The following ANK2 variants were observed in gnomAD, a reference collection of about 807,000 sequenced individuals.
ANK2 encodes the protein ankyrin-2.
ANK2 carries 83 observed loss-of-function variants against 360.5 expected under a neutral mutation model. The observed-to-expected ratio is 0.23, with a 90% CI of 0.19 to 0.28. The LOEUF (loss-of-function observed/expected upper bound fraction) is 0.28. ANK2 is among the 10% of genes least tolerant of loss of function. The probability of loss-of-function intolerance (pLI) is 1.00; values close to 1 mark genes in which losing one functional copy is unlikely to be tolerated. For missense variants in ANK2, 4,201 were observed against 4,795.7 expected, an observed-to-expected ratio of 0.88 and a Z score of 3.66; for synonymous variants, 1,740 against 1,759.5, an observed-to-expected ratio of 0.99 and a Z score of 0.28.
rs745422554 is a variant in ANK2 at position 113,355,174 on chromosome 4, G to C, written c.6556G>C (p.Glu2186Gln). The C allele has an allele frequency of 6.2e-7, 1 of 1,614,122 alleles. No individual in the cohort carries two copies. The highest frequency in any genetic ancestry group is 1.1e-5 in the South Asian group (1 of 91,086). Residue 2186 changes from glutamate (E) to glutamine (Q), a missense_variant, in exon 38 of 46, where the codon GAG (glutamate) becomes CAG (glutamine). Transcript: ENST00000357077. ...TTFPLDYMKD[E>Q]FLPALSLQSG... ...ATTTCCACTCGACTACATGAAAGAT[G>C]AGTTCCTTCCAGCTCTGTCTTTACA...
intron 16 of ANK2, among the ~76,000 whole-genome samples, chr4:113,278,211 A>G (rs959192218): frequency 6.6e-6 from 1 of 152,202 alleles, no homozygotes; most frequent in African/African-American, 2.4e-5. Context: ...TATTTCTTAC[A>G]TAGCAGTTTA....
At chr4:112,802,655 A>G in the ANK2 span, among the ~76,000 whole-genome samples, 1 of 152,178 alleles carries the variant, frequency 6.6e-6, no homozygotes, top group African/African-American at 2.4e-5. Context: ...AATTAAAATT[A>G]TTAAGTAAAT....
At chr4:113,333,014 A>T (rs776496169) in intron 28 of ANK2, 40 bp from the exon 29 acceptor site, 2 of 1,613,802 alleles carry the variant, frequency 1.2e-6, no homozygotes, top group Non-Finnish European at 1.7e-6. Flanking sequence ...GCTGTTAGTT[A>T]GCTCCTGTCC....
chr4:113,275,044 G>A (rs192209305), intron 15 of ANK2, among the ~76,000 whole-genome samples: 32 of 152,308 alleles, frequency 2.1e-4, no homozygotes, highest in Admixed American at 1.8e-3. Flanking sequence ...TATATTTGCT[G>A]TGAGTTATAG....
At chr4:112,979,226 A>G (rs56992481) in intron 2 of ANK2, among the ~76,000 whole-genome samples, 2,036 of 152,240 alleles carry the variant, frequency 0.013, 24 homozygotes, top group Middle Eastern at 0.037. Context: ...GTGGGGTCCG[A>G]CCACTGCGCA....
At chr4:113,315,813 G>GGT (rs1554483328) in intron 24 of ANK2, among the ~76,000 whole-genome samples, 2 of 149,494 alleles carry the variant, frequency 1.3e-5, no homozygotes, top group Non-Finnish European at 1.5e-5. Flanking sequence ...GCAGGAGAAT[G>GGT]GTGAACCTGG....
chr4:113,369,238 A>G (rs142439955), intron 42 of ANK2, among the ~76,000 whole-genome samples: 1,867 of 152,288 alleles, frequency 0.012, 18 homozygotes, highest in Non-Finnish European at 0.018. Flanking sequence ...ACTTATATAC[A>G]TTGTAGAGGT....
At position 112,827,522 on chromosome 4, in the gene ANK2, T is replaced by C. The variant is rs1055005190; in HGVS notation, c.-40+9258T>C. On this transcript the variant is annotated intron_variant, in intron 1 of 30. Coordinates refer to the ANK2 transcript ENST00000503271. ...TTGCTTCATCTAAGAATCACAAGAA[T>C]CTGCCTCAGGGACTTGATATTTTGT... is the stretch of plus-strand genomic sequence containing the variant. The C allele has an allele frequency of 6.6e-6, 8 of 1,205,358 alleles. No homozygotes were observed. In the African/African-American group the frequency reaches 1.2e-4, roughly 18 times the overall value. The allele number at this position is 1,205,358 out of a possible 1,614,324, so 74.7% of individuals were successfully genotyped here.
At chr4:112,838,888 C>T (rs1223000032) in intron 1 of ANK2, among the ~76,000 whole-genome samples, 4 of 152,276 alleles carry the variant, frequency 2.6e-5, no homozygotes, top group South Asian at 2.1e-4. Context: ...ACAATACTAC[C>T]GTTTCTCCTG....
At chr4:113,096,560 A>C (rs908921143) in intron 1 of ANK2, among the ~76,000 whole-genome samples, 19 of 152,192 alleles carry the variant, frequency 1.2e-4, no homozygotes, top group Admixed American at 8.5e-4. Flanking sequence ...TTTATCTTTA[A>C]GGCCACTTCC....
intron 26 of ANK2, among the ~76,000 whole-genome samples, chr4:113,328,730 T>A (rs2091354941): frequency 1.3e-5 from 2 of 152,190 alleles, no homozygotes; most frequent in Non-Finnish European, 2.9e-5. Flanking sequence ...TGTGGTCTCA[T>A]CCTGCATGAC....
chr4:112,865,328 TA>T (rs1385507148), intron 1 of ANK2, among the ~76,000 whole-genome samples: 1 of 152,132 alleles, frequency 6.6e-6, no homozygotes, highest in Non-Finnish European at 1.5e-5. Context: ...AAAGCTCTGT[TA>T]TTATAATTAC....
chr4:113,097,878 A>ATATATG (rs1319473192), intron 1 of ANK2, among the ~76,000 whole-genome samples: 1 of 97,328 alleles, frequency 1.0e-5, no homozygotes, highest in Non-Finnish European at 2.0e-5. Context: ...ATATATATGC[A>ATATATG]CACACACACA....
chr4:112,709,979 G>T, the ANK2 span, among the ~76,000 whole-genome samples: 4 of 152,108 alleles, frequency 2.6e-5, no homozygotes, highest in Non-Finnish European at 4.4e-5. Context: ...CCAAACTAGT[G>T]TTCCTTCATT....
Position 113,330,280 on chromosome 4 carries a change from G to T in ANK2, c.2935G>T (p.Gly979Cys). 6.2e-7 allele frequency: 1 copy of T among 1,614,152 alleles called. No homozygotes were observed. The highest frequency in any genetic ancestry group is 8.5e-7 in the Non-Finnish European group (1 of 1,180,010). Residue 979 changes from glycine to cysteine, a missense_variant, in exon 27 of 46, where the codon GGT (glycine) becomes TGT (cysteine). Coordinates refer to ENST00000357077, the MANE Select transcript of ANK2 (RefSeq NM_001148.6). ...LVSFMVDARG[G>C]AMRGCRHNGL... ...TAGTTTTATGGTGGATGCCCGAGGT[G>T]GTGCTATGCGAGGATGCAGACACAA...
At chr4:113,144,425 AAAT>A (rs144750935) in intron 1 of ANK2, among the ~76,000 whole-genome samples, 2,509 of 152,230 alleles carry the variant, frequency 0.016, 77 homozygotes, top group African/African-American at 0.058. Flanking sequence ...TTTTTAAAAA[AAAT>A]AATGGCAAAT....
intron 1 of ANK2, among the ~76,000 whole-genome samples, chr4:112,845,427 T>C (rs2149857641): frequency 6.6e-6 from 1 of 152,280 alleles, no homozygotes; most frequent in East Asian, 1.9e-4. Context: ...AATAGATTTC[T>C]TCCTTAGGTT....
chr4:112,915,777 T>A (rs1475722290), intron 2 of ANK2, among the ~76,000 whole-genome samples: 14 of 150,360 alleles, frequency 9.3e-5, no homozygotes, highest in African/African-American at 2.7e-4. Context: ...AATAAATAAA[T>A]AAATAATAAA....
rs928622061 is a variant in ANK2, at chr4:113,330,325, C to A, written c.2980C>A (p.Pro994Thr). 1.2e-6 allele frequency: 2 copies of A among 1,614,062 alleles called. No individual in the cohort carries two copies. The highest frequency in any genetic ancestry group is 2.7e-5 in the African/African-American group (2 of 74,930). The change falls in exon 27 of 46, where the codon CCA (proline) becomes ACA (threonine). Residue 994 changes from proline to threonine, a missense_variant. Pro to Thr is a conservative substitution (Grantham distance 38). This residue lies in a region of ANK2 where 1,268 missense variants were observed against 1,650.8 expected (regional missense o/e 0.77). Transcript: ENST00000357077. ...CRHNGLRIII[P>T]PRKCTAPTRV... ...ACACAATGGGCTCCGAATCATTATT[C>A]CACCTCGGAAATGTACTGCTCCAAC...
Sources: gnomAD v4.1 joint callset for allele counts (sites outside exome capture counted in the v4.1 genomes callset) on GRCh38, gnomAD v4.1.1 for gene constraint, gnomAD v4.1.1 regional missense constraint, MANE v1.5 for transcripts, NCBI Gene and HGNC (gene_info 2026-07-23, HGNC 2026-07-21) for gene names.